RALYL: variants seen among roughly 807,000 people sequenced by gnomAD.
RALYL encodes the protein RALY RNA binding protein like, also known as RNA-binding Raly-like protein.
RALYL carries 29 observed loss-of-function variants against 35.1 expected under a neutral mutation model. That is an observed-to-expected ratio of 0.83 (90% CI 0.61 to 1.13). The LOEUF is 1.13. Among genes scored for constraint, RALYL ranks in the 50% most tolerant of loss-of-function variants. The pLI is 0.00. For synonymous variants in RALYL, 120 were observed against 127.6 expected (o/e 0.94, Z 0.40); for missense variants, 359 against 360.4 (o/e 1.00, Z 0.03).
chr8:84,303,666 A>G (rs899081526), intron 1 of RALYL, among the ~76,000 whole-genome samples: 1 of 152,220 alleles, frequency 6.6e-6, no homozygotes, highest in Non-Finnish European at 1.5e-5. Context: ...GTTCTTGAGG[A>G]CCTTGGATAT....
intron 1 of RALYL, among the ~76,000 whole-genome samples, chr8:84,463,226 G>C (rs1271039422): frequency 6.6e-6 from 1 of 151,912 alleles, no homozygotes; most frequent in Non-Finnish European, 1.5e-5. Flanking sequence ...TGTTTACTCA[G>C]TTACAGACAA....
chr8:84,832,269 TTTTAA>T (rs1024682716), intron 4 of RALYL, among the ~76,000 whole-genome samples: 7 of 152,146 alleles, frequency 4.6e-5, no homozygotes, highest in African/African-American at 1.2e-4. Flanking sequence ...CTGTAATCTC[TTTTAA>T]TTTGTTTTTG....
intron 4 of RALYL, among the ~76,000 whole-genome samples, chr8:84,810,966 A>G (rs1825768432): frequency 6.6e-6 from 1 of 152,142 alleles, no homozygotes; most frequent in Non-Finnish European, 1.5e-5. Context: ...TCTTTTAAGC[A>G]AAGCATTTAG....
intron 4 of RALYL, among the ~76,000 whole-genome samples, chr8:84,848,383 TTGTG>T (rs79114621): frequency 4.6e-5 from 7 of 150,998 alleles, no homozygotes; most frequent in South Asian, 4.2e-4. Context: ...TTTAAATATT[TTGTG>T]TGTGTGTGTG....
chr8:84,479,051 A>C (rs1478790885), intron 1 of RALYL, among the ~76,000 whole-genome samples: 2 of 123,342 alleles, frequency 1.6e-5, no homozygotes, highest in Non-Finnish European at 3.2e-5. Context: ...GCACCACTGC[A>C]CTCCAGCCTA....
chr8:84,525,776 T>C (rs2058833835), intron 1 of RALYL, among the ~76,000 whole-genome samples: 1 of 152,120 alleles, frequency 6.6e-6, no homozygotes, highest in Admixed American at 6.5e-5. Flanking sequence ...AAAAAAGTTT[T>C]AGATATTACA....
intron 4 of RALYL, among the ~76,000 whole-genome samples, chr8:84,845,553 C>T (rs1288866087): frequency 2.0e-5 from 3 of 152,064 alleles, no homozygotes; most frequent in African/African-American, 7.2e-5. Context: ...AAGTTTCTTA[C>T]AGATTCTGGA....
At chr8:84,698,245 C>T (rs922136523) in intron 2 of RALYL, among the ~76,000 whole-genome samples, 9 of 152,004 alleles carry the variant, frequency 5.9e-5, no homozygotes, top group African/African-American at 1.7e-4. Context: ...AAACAAAATC[C>T]CTCATACAAA....
intron 1 of RALYL, among the ~76,000 whole-genome samples, chr8:84,422,325 T>G (rs1475533789): frequency 4.1e-5 from 5 of 121,076 alleles, no homozygotes; most frequent in African/African-American, 1.7e-4. Context: ...GATTTTCTAG[T>G]TTATTTGCGT....
chr8:84,301,087 T>G (rs1840686969), intron 1 of RALYL, among the ~76,000 whole-genome samples: 1 of 152,030 alleles, frequency 6.6e-6, no homozygotes, highest in African/African-American at 2.4e-5. Flanking sequence ...TGGTAACAAA[T>G]TTCCTTAGCA....
chr8:84,357,840 T>C (rs1429288811), intron 1 of RALYL, among the ~76,000 whole-genome samples: 1 of 145,850 alleles, frequency 6.9e-6, no homozygotes, highest in East Asian at 1.9e-4. Context: ...AAGTTAAAAG[T>C]AATTAATCTC....
intron 3 of RALYL, among the ~76,000 whole-genome samples, chr8:84,789,924 A>G (rs781499514): frequency 1.3e-5 from 2 of 152,230 alleles, no homozygotes; most frequent in Admixed American, 6.5e-5. Context: ...ATTAGAAAAT[A>G]AAGATATTAT....
chr8:84,271,015 G>A (rs950138788), intron 1 of RALYL, among the ~76,000 whole-genome samples: 6 of 151,474 alleles, frequency 4.0e-5, no homozygotes, highest in African/African-American at 1.2e-4. Flanking sequence ...GCAAATTATG[G>A]ATTTTTTTAA....
chr8:84,408,760 G>C (rs115987029), intron 1 of RALYL, among the ~76,000 whole-genome samples: 3 of 152,086 alleles, frequency 2.0e-5, no homozygotes, highest in African/African-American at 2.4e-5. Context: ...ATGGAGGCAG[G>C]GTTATCAGAT....
At chr8:84,470,475 T>C (rs1333330703) in intron 1 of RALYL, among the ~76,000 whole-genome samples, 2 of 151,898 alleles carry the variant, frequency 1.3e-5, no homozygotes, top group Non-Finnish European at 2.9e-5. Context: ...TGGGTTTTTT[T>C]TTTTTCTGTT....
At chr8:84,728,325 C>T (rs144078981) in intron 2 of RALYL, among the ~76,000 whole-genome samples, 8 of 151,736 alleles carry the variant, frequency 5.3e-5, no homozygotes, top group Admixed American at 4.6e-4. Context: ...GGGGTTGTTT[C>T]TTTTTCTCTT....
intron 2 of RALYL, among the ~76,000 whole-genome samples, chr8:84,660,844 T>C (rs1830766099): frequency 6.6e-6 from 1 of 152,124 alleles, no homozygotes; most frequent in South Asian, 2.1e-4. Flanking sequence ...AAAGAAAGTT[T>C]GGATTCTATT....
In RALYL at chr8:84,555,236, G is replaced by A. The variant is rs578192578; in HGVS notation, c.256+25659G>A. On this transcript the variant is annotated intron_variant, in intron 2 of 8. Transcript: ENST00000521268. ...AGAGGTTGCAGTGAGCCGAGATCATGCCACTGCACTCCAACGTGGCAACAG... is the reference window on the plus strand; with the variant it reads ...AGAGGTTGCAGTGAGCCGAGATCATACCACTGCACTCCAACGTGGCAACAG... Among the ~76,000 whole-genome samples, 9 of 152,206 alleles carry A rather than the reference G, an allele frequency of 5.9e-5. No individual in the cohort carries two copies. In the East Asian group the frequency reaches 9.7e-4, roughly 16 times the overall value.
chr8:84,445,971 A>AT (rs1171298989), intron 1 of RALYL, among the ~76,000 whole-genome samples: 2 of 151,828 alleles, frequency 1.3e-5, no homozygotes, highest in Non-Finnish European at 2.9e-5. Context: ...TTTATATAAT[A>AT]TTTAAAAATA....
Sources: gnomAD v4.1 joint callset for allele counts (sites outside exome capture counted in the v4.1 genomes callset) on GRCh38, gnomAD v4.1.1 for gene constraint, MANE v1.5 for transcripts, NCBI Gene and HGNC (gene_info 2026-07-23, HGNC 2026-07-21) for gene names.